CSMD1: variants seen among roughly 807,000 people sequenced by gnomAD.
CSMD1 encodes the protein CUB and Sushi multiple domains 1, also known as CUB and sushi domain-containing protein 1.
In CSMD1, 213 loss-of-function variants were observed where a neutral mutation model predicts 417.5. That is an observed-to-expected ratio of 0.51 (90% CI 0.46 to 0.57). The LOEUF is 0.57. Ranked by LOEUF, CSMD1 falls within the 20% of genes least tolerant of loss-of-function variation. The pLI, the probability that CSMD1 is intolerant of heterozygous loss-of-function variation, is 0.00. For synonymous variants in CSMD1, 2,862 were observed against 1,736.8 expected (o/e 1.65, Z -16.11); for missense variants, 6,923 against 4,529.7 (o/e 1.53, Z -15.17).
rs1488396391 is a variant in CSMD1 at position 4,571,569 on chromosome 8, G to C, written c.302+65773C>G. ...GGAGTGTTTTATTTCCAATTATGTG[G>C]TCCATTTTAGAATAAGTGCTATGTG... On this transcript the variant is annotated intron_variant, in intron 2 of 69. Transcript: ENST00000635120. Among the ~76,000 whole-genome samples the C allele has an allele frequency of 3.3e-5, 5 of 152,148 alleles. No individual in the cohort carries two copies. In the East Asian group the frequency reaches 5.8e-4, roughly 18 times the overall value.
intron 10 of CSMD1, among the ~76,000 whole-genome samples, chr8:3,495,548 C>G (rs1218416710): frequency 2.0e-5 from 3 of 152,224 alleles, no homozygotes; most frequent in African/African-American, 7.2e-5. Flanking sequence ...GTCCTGTTGT[C>G]AAACACCAAT....
intron 2 of CSMD1, among the ~76,000 whole-genome samples, chr8:4,561,329 A>G (rs547313856): frequency 6.6e-6 from 1 of 152,290 alleles, no homozygotes; most frequent in Non-Finnish European, 1.5e-5. Context: ...AATCGAGATC[A>G]TGCCACTGCA....
intron 3 of CSMD1, among the ~76,000 whole-genome samples, chr8:4,230,310 C>G (rs1470824416): frequency 6.6e-6 from 1 of 152,162 alleles, no homozygotes; most frequent in East Asian, 1.9e-4. Flanking sequence ...CTCAATTAAT[C>G]TATCCAATTA....
intron 1 of CSMD1, among the ~76,000 whole-genome samples, chr8:4,818,321 A>G (rs1264978232): frequency 6.6e-6 from 1 of 152,218 alleles, no homozygotes; most frequent in Non-Finnish European, 1.5e-5. Context: ...GCTAGATTAC[A>G]AAAGTATAAA....
intron 3 of CSMD1, among the ~76,000 whole-genome samples, chr8:4,358,199 C>A (rs541343262): frequency 6.6e-6 from 1 of 152,220 alleles, no homozygotes; most frequent in South Asian, 2.1e-4. Flanking sequence ...TGAATGTCTT[C>A]TGGGGTGTTA....
rs74379534 is a variant in CSMD1 at position 4,853,440 on chromosome 8, C to A, written c.85+140892G>T. Among the ~76,000 whole-genome samples, 1,510 of 152,322 alleles carry A rather than the reference C, an allele frequency of 9.9e-3. 7 individuals are homozygous for A. The highest frequency in any genetic ancestry group is 0.016 in the Non-Finnish European group (1,103 of 68,030). On this transcript the variant is annotated intron_variant, in intron 1 of 69. Coordinates refer to ENST00000635120, the MANE Select transcript of CSMD1 (RefSeq NM_033225.6). ...AGGGTGCAATCCATAAGCTTGGCAG[C>A]TTCAACACAGTGTGATATTAAGCCT...
intron 3 of CSMD1, among the ~76,000 whole-genome samples, chr8:4,209,100 T>C (rs796078884): frequency 3.3e-5 from 5 of 152,348 alleles, no homozygotes; most frequent in African/African-American, 1.2e-4. Flanking sequence ...CCTTGCTCGC[T>C]GATGATTTAC....
intron 3 of CSMD1, among the ~76,000 whole-genome samples, chr8:4,226,820 G>T (rs1409574811): frequency 1.3e-5 from 2 of 152,186 alleles, no homozygotes; most frequent in African/African-American, 4.8e-5. Context: ...AAGTTGGGTT[G>T]TTGAAATGCA....
intron 61 of CSMD1, 43 bp from the exon 62 acceptor site, chr8:2,961,257 G>C (rs377664338): frequency 5.5e-6 from 7 of 1,262,596 alleles, no homozygotes; most frequent in Admixed American, 1.9e-5. Context: ...ACCAGATATA[G>C]TTATTGTGAG....
chr8:4,139,810 G>A lies in CSMD1; in HGVS notation c.416-107711C>T, dbSNP rs537650049. Among the ~76,000 whole-genome samples the A allele has an allele frequency of 8.7e-4, 131 of 151,184 alleles. 3 individuals carry two copies. Among genetic ancestry groups the A allele is most frequent in the Non-Finnish European group, 1.5e-3 (100 of 68,030 alleles). ...AGCTCAGTGTTCTACAGGCTTACTG[G>A]ACATTCCACAGAGGGCCTTGGAGCA... On this transcript the variant is annotated intron_variant, in intron 3 of 69. Transcript: ENST00000635120.
chr8:3,850,220 G>T (rs1439210922), intron 5 of CSMD1, among the ~76,000 whole-genome samples: 1 of 152,160 alleles, frequency 6.6e-6, no homozygotes, highest in Non-Finnish European at 1.5e-5. Context: ...TATATCAAAG[G>T]CTCCAAACAA....
intron 7 of CSMD1, among the ~76,000 whole-genome samples, chr8:3,643,679 C>A (rs1437136692): frequency 1.7e-5 from 2 of 120,334 alleles, no homozygotes; most frequent in South Asian, 2.7e-4. Flanking sequence ...CCAGCCTGGG[C>A]GACAGCGTGA....
chr8:4,663,391 G>A (rs376429135), intron 1 of CSMD1, among the ~76,000 whole-genome samples: 21 of 152,324 alleles, frequency 1.4e-4, no homozygotes, highest in African/African-American at 4.3e-4. Flanking sequence ...TTTGGAAGAT[G>A]CTAAGTGATT....
chr8:4,347,979 T>G (rs1335550309), intron 3 of CSMD1, among the ~76,000 whole-genome samples: 2 of 152,098 alleles, frequency 1.3e-5, no homozygotes, highest in African/African-American at 4.8e-5. Context: ...CGGGAAGCAC[T>G]ACACTGGCAA....
At chr8:4,182,036 GTGTGTGTC>G (rs1798408285) in intron 3 of CSMD1, among the ~76,000 whole-genome samples, 1 of 118,666 alleles carries the variant, frequency 8.4e-6, no homozygotes, top group Non-Finnish European at 2.0e-5. Context: ...GTGTGTGTGT[GTGTGTGTC>G]GGTGTGTGTG....
intron 6 of CSMD1, among the ~76,000 whole-genome samples, chr8:3,740,611 T>TGCTG (rs1796750171): frequency 6.6e-6 from 1 of 152,020 alleles, no homozygotes; most frequent in Admixed American, 6.6e-5. Flanking sequence ...GCTGAGGTAG[T>TGCTG]GTGATTTGAT....
chr8:4,524,639 G>C (rs1257940845), intron 2 of CSMD1, among the ~76,000 whole-genome samples: 1 of 139,632 alleles, frequency 7.2e-6, no homozygotes, highest in Non-Finnish European at 1.5e-5. Flanking sequence ...ATTACATATA[G>C]TGAGTCATGT....
At chr8:4,543,945 C>G (rs1469878800) in intron 2 of CSMD1, among the ~76,000 whole-genome samples, 2 of 152,112 alleles carry the variant, frequency 1.3e-5, no homozygotes, top group Non-Finnish European at 2.9e-5. Flanking sequence ...GGTGAGGTGT[C>G]TGTTAAGGTC....
At chr8:3,662,258 G>A (rs556552540) in intron 7 of CSMD1, among the ~76,000 whole-genome samples, 1 of 152,296 alleles carries the variant, frequency 6.6e-6, no homozygotes, top group African/African-American at 2.4e-5. Flanking sequence ...TCCCAGATGG[G>A]AGCATTTTTA....
Sources: allele counts gnomAD v4.1 joint callset (sites outside exome capture counted in the v4.1 genomes callset), GRCh38; gene constraint gnomAD v4.1.1; transcripts MANE v1.5; gene names NCBI Gene and HGNC (gene_info 2026-07-23, HGNC 2026-07-21).